Variants in AGMO observed in about 807,000 individuals in gnomAD.
AGMO encodes the protein glyceryl-ether monooxygenase.
AGMO carries 75 observed loss-of-function variants against 60.2 expected under a neutral mutation model. The ratio of observed to expected loss-of-function variants is 1.25; its 90% CI spans 1.03 to 1.51. The LOEUF (loss-of-function observed/expected upper bound fraction) is 1.51, where lower values mean the gene tolerates loss of function less well. Among genes scored for constraint, AGMO ranks in the 40% most tolerant of loss-of-function variants. AGMO has a pLI of 0.00. For missense variants in AGMO, 763 were observed against 525.5 expected (o/e 1.45, Z -4.42); for synonymous variants, 261 against 177.1 (o/e 1.47, Z -3.76).
intron 5 of AGMO, 43 bp downstream of exon 5, chr7:15,418,515 G>T: frequency 8.1e-7 from 1 of 1,229,540 alleles, no homozygotes; most frequent in Non-Finnish European, 1.2e-6. Flanking sequence ...ATTGCTTCAG[G>T]CTGTTTAGGT....
intron 12 of AGMO, among the ~76,000 whole-genome samples, chr7:15,302,164 T>C (rs1462785166): frequency 6.6e-6 from 1 of 152,212 alleles, no homozygotes; most frequent in African/African-American, 2.4e-5. Context: ...AATTAATTGG[T>C]ACTTATTAGA....
chr7:15,287,427 C>T (rs567870252), intron 12 of AGMO, among the ~76,000 whole-genome samples: 1 of 152,126 alleles, frequency 6.6e-6, no homozygotes, highest in East Asian at 1.9e-4. Context: ...AATAATTTAC[C>T]CTGTTCAAGA....
Sources: allele counts gnomAD v4.1 joint callset (sites outside exome capture counted in the v4.1 genomes callset), GRCh38; gene constraint gnomAD v4.1.1; transcripts MANE v1.5; gene names NCBI Gene and HGNC (gene_info 2026-07-23, HGNC 2026-07-21).